Variants in PIM3 observed in about 807,000 individuals in gnomAD.
The protein encoded by PIM3 is serine/threonine-protein kinase pim-3.
A neutral mutation model predicts 27.5 loss-of-function variants in PIM3; 13 were observed. That is an observed-to-expected ratio of 0.47 (90% CI 0.31 to 0.75). The LOEUF is 0.75. Ranked by LOEUF, PIM3 falls within the 30% of genes least tolerant of loss-of-function variation. The probability of loss-of-function intolerance (pLI) is 0.05; values close to 1 mark genes in which losing one functional copy is unlikely to be tolerated. For synonymous variants in PIM3, 341 were observed against 221.1 expected, an observed-to-expected ratio of 1.54 and a Z score of -4.81; for missense variants, 482 against 476.9, an observed-to-expected ratio of 1.01 and a Z score of -0.10.
At chr22:49,962,407 C>T (rs2060913025) in intron 4 of PIM3, among the ~76,000 whole-genome samples, 1 of 149,532 alleles carries the variant, frequency 6.7e-6, no homozygotes, top group Non-Finnish European at 1.5e-5. Context: ...GCGCTGTCCC[C>T]CCCCCACCCA....
chr22:49,961,459 C>G lies in PIM3; in HGVS notation c.264C>G (p.Pro88=). Residue 88 remains proline, a synonymous_variant, in exon 4 of 6, where the codon CCC becomes CCG. Coordinates refer to ENST00000360612, the MANE Select transcript of PIM3 (RefSeq NM_001001852.4). ...EWGSLGGATV[P]LEVVLLRKVG... ...TCCCCCAGGGCGGCGCGACCGTGCC[C>G]CTGGAGGTGGTGCTGCTGCGCAAGG... The G allele has an allele frequency of 6.8e-7, 1 of 1,461,322 alleles. No homozygotes were observed. The highest frequency in any genetic ancestry group is 9.0e-7 in the Non-Finnish European group (1 of 1,112,026). The allele number at this position is 1,461,322 out of a possible 1,614,324, so 90.5% of individuals were successfully genotyped here.
At position 49,962,708 on chromosome 22, in the gene PIM3, C is replaced by T. The variant is rs918059575; in HGVS notation, c.636C>T (p.Pro212=). The T allele has an allele frequency of 1.9e-6, 3 of 1,611,796 alleles. No homozygotes were observed. Among genetic ancestry groups the T allele is most frequent in the East Asian group, 4.5e-5 (2 of 44,882 alleles). Residue 212 remains proline (P), a synonymous_variant, in exon 5 of 6, where the codon CCC becomes CCT. Transcript: ENST00000360612. ...TDFDGTRVYS[P]PEWIRYHRYH... is the part of the protein sequence containing the mutation. ...CCTTAGGCACCCGAGTGTACAGCCCCCCGGAGTGGATCCGCTACCACCGCT... is the reference window on the plus strand; with the variant it reads ...CCTTAGGCACCCGAGTGTACAGCCCTCCGGAGTGGATCCGCTACCACCGCT...
Position 49,961,781 on chromosome 22 carries a change from C to T in PIM3, c.586C>T (p.Leu196Phe), listed in dbSNP as rs1488695984. 1.9e-6 allele frequency: 3 copies of T among 1,611,518 alleles called. No homozygotes were observed. Among genetic ancestry groups the T allele is most frequent in the Non-Finnish European group, 1.7e-6 (2 of 1,179,436 alleles). Residue 196 changes from leucine to phenylalanine, a missense_variant, in exon 4 of 6, where the codon CTC becomes TTC. Transcript: ENST00000360612. Reference sequence around the variant, plus strand: ...CATCGACTTCGGTTCGGGTGCGCTGCTCAAGGACACGGTCTACACCGACTT... The same window carrying T: ...CATCGACTTCGGTTCGGGTGCGCTGTTCAAGGACACGGTCTACACCGACTT... The part of the protein sequence containing the change: ...KLIDFGSGAL[L>F]KDTVYTDFDG...
At position 49,961,352 on chromosome 22, in the gene PIM3, C is replaced by G. The variant is rs2060906108; in HGVS notation, c.230C>G (p.Thr77Ser). 5.9e-6 allele frequency: 9 copies of G among 1,532,482 alleles called. No homozygotes were observed. Among genetic ancestry groups the G allele is most frequent in the Non-Finnish European group, 7.0e-6 (8 of 1,144,844 alleles). The allele number at this position is 1,532,482 out of a possible 1,614,324, so 94.9% of individuals were successfully genotyped here. Residue 77 changes from threonine (T) to serine (S), a missense_variant, in exon 3 of 6, where the codon ACC (threonine) becomes AGC (serine). Physicochemically the swap from Thr to Ser is moderately conservative, Grantham distance 58. Transcript: ENST00000360612. ...AVKHVVKERV[T>S]EWGSLGGATV... ...AAGCACGTGGTGAAGGAGCGGGTGACCGAGTGGGGCAGCCTGGTAAGTTGG... is the reference window on the plus strand; with the variant it reads ...AAGCACGTGGTGAAGGAGCGGGTGAGCGAGTGGGGCAGCCTGGTAAGTTGG...
Position 49,962,850 on chromosome 22 carries a change from A to G in PIM3, c.778A>G (p.Arg260Gly), listed in dbSNP as rs749895033. The change falls in exon 5 of 6, where the codon AGG (arginine) becomes GGG (glycine). Residue 260 changes from arginine (R) to glycine (G), a missense_variant. Coordinates refer to ENST00000360612, the MANE Select transcript of PIM3 (RefSeq NM_001001852.4). Reference protein sequence around the residue: ...EILRGRLLFRRRVSPECQQLI... With the variant: ...EILRGRLLFRGRVSPECQQLI... ...CCTCCGAGGCCGCCTGCTCTTCCGG[A>G]GGAGGGTCTCTCCAGGTGCGTGGTG... The G allele has an allele frequency of 1.2e-5, 19 of 1,609,440 alleles. No homozygotes were observed. The highest frequency in any genetic ancestry group is 8.5e-7 in the Non-Finnish European group (1 of 1,179,394).
In PIM3 at chr22:49,962,358, C is replaced by A. The variant is rs1222342543; in HGVS notation, c.617-331C>A. On this transcript the variant is annotated intron_variant, in intron 4 of 5. Coordinates refer to ENST00000360612, the MANE Select transcript of PIM3 (RefSeq NM_001001852.4). ...TCCTCCCTCCCTCTCTCCCCTCCCC[C>A]CGTTCCCGCAGGCAGGCGCGCCGGG... 3.3e-5 allele frequency among the ~76,000 whole-genome samples: 5 copies of A among 150,720 alleles called. No individual in the cohort carries two copies. In the East Asian group the frequency reaches 7.9e-4, roughly 24 times the overall value.
chr22:49,961,290 G>T, intron 2 of PIM3, 28 bp from the exon 3 acceptor site: 1 of 1,543,404 alleles, frequency 6.5e-7, no homozygotes. Flanking sequence ...GCCTCGCTTG[G>T]CCCGGCCTGA....
chr22:49,963,004 G>T lies in PIM3; in HGVS notation c.858G>T (p.Gln286His). The change falls in exon 6 of 6, where the codon CAG becomes CAT. Residue 286 changes from glutamine (Q) to histidine (H), a missense_variant. Physicochemically the swap from Gln to His is conservative, Grantham distance 24 (BLOSUM62 0). Coordinates refer to ENST00000360612, the MANE Select transcript of PIM3 (RefSeq NM_001001852.4). ...LRPSERPSLD[Q>H]IAAHPWMLGA... ...CCTCAGAGCGGCCGTCGCTGGATCA[G>T]ATTGCGGCCCATCCCTGGATGCTGG... 1 of 1,611,950 alleles carries T rather than the reference G, an allele frequency of 6.2e-7. No individual in the cohort carries two copies.
Position 49,963,113 on chromosome 22 carries a change from A to G in PIM3, c.967A>G (p.Ser323Gly). Residue 323 changes from serine to glycine, a missense_variant, in exon 6 of 6, where the codon AGC becomes GGC. Physicochemically the swap from Ser to Gly is moderately conservative, Grantham distance 56. Transcript: ENST00000360612. The stretch of plus-strand genomic sequence containing the variant: ...TGACGTGGCCAGCACCACGTCCAGC[A>G]GCGAGAGCTTGTGAGGAGCTGCACC... ...PDDVASTTSSSESL is the reference protein window; with the variant it reads ...PDDVASTTSSGESL The G allele has an allele frequency of 6.2e-7, 1 of 1,604,942 alleles. No homozygotes were observed. The highest frequency in any genetic ancestry group is 8.5e-7 in the Non-Finnish European group (1 of 1,175,988).
In PIM3 at chr22:49,961,798, C is replaced by T. The variant is rs763265281; in HGVS notation, c.603C>T (p.Tyr201=). ...GSGALLKDTV[Y]TDFDGTRVYS... ...GTGCGCTGCTCAAGGACACGGTCTA[C>T]ACCGACTTCGACGGTGAGCGCGGGC... The change falls in exon 4 of 6, where the codon TAC becomes TAT. Residue 201 remains tyrosine (Y), a synonymous_variant. Coordinates refer to ENST00000360612, the MANE Select transcript of PIM3 (RefSeq NM_001001852.4). The T allele has an allele frequency of 1.6e-5, 25 of 1,610,278 alleles. No individual in the cohort carries two copies. Among genetic ancestry groups the T allele is most frequent in the Non-Finnish European group, 2.0e-5 (24 of 1,178,870 alleles).
Position 49,961,780 on chromosome 22 carries a change from G to C in PIM3, c.585G>C (p.Leu195=). ...LKLIDFGSGA[L]LKDTVYTDFD... ...TCATCGACTTCGGTTCGGGTGCGCT[G>C]CTCAAGGACACGGTCTACACCGACT... The change falls in exon 4 of 6, where the codon CTG becomes CTC. Residue 195 remains leucine (L), a synonymous_variant. Coordinates refer to ENST00000360612, the MANE Select transcript of PIM3 (RefSeq NM_001001852.4). 3.1e-6 allele frequency: 5 copies of C among 1,611,868 alleles called. No homozygotes were observed. Among genetic ancestry groups the C allele is most frequent in the African/African-American group, 1.3e-5 (1 of 74,834 alleles).
In PIM3 at chr22:49,960,974, G is replaced by A. The variant is rs2060902762; in HGVS notation, c.27G>A (p.Leu9=). MLLSKFGS[L]AHLCGPGGVD... Reference sequence around the variant, plus strand: ...TGCTGCTCTCCAAGTTCGGCTCCCTGGCGCACCTCTGCGGGCCCGGCGGCG... The same window carrying A: ...TGCTGCTCTCCAAGTTCGGCTCCCTAGCGCACCTCTGCGGGCCCGGCGGCG... The change falls in exon 1 of 6, where the codon CTG becomes CTA. Residue 9 remains leucine, a synonymous_variant. Coordinates refer to ENST00000360612, the MANE Select transcript of PIM3 (RefSeq NM_001001852.4). 7.2e-7 allele frequency: 1 copy of A among 1,391,366 alleles called. No homozygotes were observed. The highest frequency in any genetic ancestry group is 9.4e-7 in the Non-Finnish European group (1 of 1,063,718). 86.2% of individuals were successfully genotyped at this position (1,391,366 alleles called of 1,614,324 possible).
rs1399009578 is a variant in PIM3, at chr22:49,962,836, G to A, written c.764G>A (p.Arg255His). Reference protein sequence around the residue: ...FEQDEEILRGRLLFRRRVSPE... With the variant: ...FEQDEEILRGHLLFRRRVSPE... Reference sequence around the variant, plus strand: ...CAGGACGAGGAGATCCTCCGAGGCCGCCTGCTCTTCCGGAGGAGGGTCTCT... The same window carrying A: ...CAGGACGAGGAGATCCTCCGAGGCCACCTGCTCTTCCGGAGGAGGGTCTCT... The change falls in exon 5 of 6, where the codon CGC (arginine) becomes CAC (histidine). Residue 255 changes from arginine to histidine, a missense_variant. By Grantham distance (29) the Arg-to-His change is conservative. Transcript: ENST00000360612. 1.9e-6 allele frequency: 3 copies of A among 1,610,806 alleles called. No individual in the cohort carries two copies. The highest frequency in any genetic ancestry group is 1.3e-5 in the African/African-American group (1 of 75,044).
rs768512769 is a variant in PIM3, at chr22:49,960,971, C to T, written c.24C>T (p.Ser8=). Reference sequence around the variant, plus strand: ...CGATGCTGCTCTCCAAGTTCGGCTCCCTGGCGCACCTCTGCGGGCCCGGCG... The same window carrying T: ...CGATGCTGCTCTCCAAGTTCGGCTCTCTGGCGCACCTCTGCGGGCCCGGCG... MLLSKFG[S]LAHLCGPGGV... is the part of the protein sequence containing the mutation. The change falls in exon 1 of 6, where the codon TCC becomes TCT. Residue 8 remains serine (S), a synonymous_variant. Transcript: ENST00000360612. 2.9e-6 allele frequency: 4 copies of T among 1,388,290 alleles called. No homozygotes were observed. The highest frequency in any genetic ancestry group is 1.4e-5 in the South Asian group (1 of 69,438). 86.0% of individuals were successfully genotyped at this position (1,388,290 alleles called of 1,614,324 possible). A position where few individuals can be genotyped will look rare whatever the true frequency, so the allele number is the denominator to read the frequency against.
At position 49,961,049 on chromosome 22, in the gene PIM3, C is replaced by CGGGGCA; in HGVS notation, c.85+22_85+23insAGGGGC. On this transcript the variant is annotated intron_variant, in intron 1 of 5. Transcript: ENST00000360612. ...TGCAGCCAGGTACGCGCGGGGCCGG[C>CGGGGCA]GGGGCCGGGGCCGGGGCCAGGGCGG... 1 of 1,317,080 alleles carries CGGGGCA rather than the reference C, an allele frequency of 7.6e-7. No individual in the cohort carries two copies. Among genetic ancestry groups the CGGGGCA allele is most frequent in the South Asian group, 1.9e-5 (1 of 51,734 alleles). 81.6% of individuals were successfully genotyped at this position (1,317,080 alleles called of 1,614,324 possible).
intron 4 of PIM3, 131 bp downstream of exon 4, chr22:49,961,942 A>G: frequency 2.2e-6 from 3 of 1,350,054 alleles, no homozygotes; most frequent in Non-Finnish European, 3.0e-6. Flanking sequence ...CGTGGGGAGC[A>G]GAGGCCCACG....
In PIM3 at chr22:49,963,095, G is replaced by A. The variant is rs897145327; in HGVS notation, c.949G>A (p.Ala317Thr). ...RLCTLDPDDV[A>T]STTSSSESL ...GTGCACCCTCGACCCTGATGACGTGGCCAGCACCACGTCCAGCAGCGAGAG... is the reference window on the plus strand; with the variant it reads ...GTGCACCCTCGACCCTGATGACGTGACCAGCACCACGTCCAGCAGCGAGAG... The change falls in exon 6 of 6, where the codon GCC becomes ACC. Residue 317 changes from alanine (A) to threonine (T), a missense_variant. Coordinates refer to ENST00000360612, the MANE Select transcript of PIM3 (RefSeq NM_001001852.4). 6.2e-6 allele frequency: 10 copies of A among 1,609,634 alleles called. No individual in the cohort carries two copies. In the African/African-American group the frequency reaches 1.2e-4, roughly 19 times the overall value.
intron 4 of PIM3, among the ~76,000 whole-genome samples, chr22:49,962,284 C>T (rs1023752578): frequency 2.0e-5 from 3 of 151,742 alleles, no homozygotes; most frequent in African/African-American, 4.8e-5. Flanking sequence ...GGCAGAAATC[C>T]CCGCATTGCG....
At chr22:49,962,595 T>G in intron 4 of PIM3, 94 bp from the exon 5 acceptor site, 1 of 1,368,730 alleles carries the variant, frequency 7.3e-7, no homozygotes, top group Non-Finnish European at 9.8e-7. Flanking sequence ...CTGCTTCCTG[T>G]TACTGAGGCC....
Sources: allele counts gnomAD v4.1 joint callset (sites outside exome capture counted in the v4.1 genomes callset), GRCh38; gene constraint gnomAD v4.1.1; transcripts MANE v1.5; gene names NCBI Gene and HGNC (gene_info 2026-07-23, HGNC 2026-07-21).